Variants in CFAP61 observed in about 807,000 individuals in gnomAD.
CFAP61 encodes cilia and flagella associated protein 61.
Under a neutral mutation model 135.6 loss-of-function variants are expected in CFAP61, and 107 were observed. That is an observed-to-expected ratio of 0.79 (90% CI 0.67 to 0.93). The LOEUF (loss-of-function observed/expected upper bound fraction) is 0.93. Among genes scored for constraint, CFAP61 ranks in the 40% least tolerant of loss-of-function variants. The probability of loss-of-function intolerance (pLI) is 0.00; values close to 1 mark genes in which losing one functional copy is unlikely to be tolerated. For synonymous variants in CFAP61, 575 were observed against 578.5 expected (o/e 0.99, Z 0.09); for missense variants, 1,507 against 1,556.2 (o/e 0.97, Z 0.53).
chr20:20,348,233 C>A (rs998171122), intron 26 of CFAP61, among the ~76,000 whole-genome samples: 4 of 152,102 alleles, frequency 2.6e-5, no homozygotes, highest in African/African-American at 9.7e-5. Flanking sequence ...CAGACCAACA[C>A]CCCTTTTAAA....
Position 20,277,421 on chromosome 20 carries a change from T to A in CFAP61, c.2759T>A (p.Phe920Tyr). The change falls in exon 22 of 27, where the codon TTC becomes TAC. Residue 920 changes from phenylalanine to tyrosine, a missense_variant. By Grantham distance (22) the Phe-to-Tyr change is conservative. Coordinates refer to ENST00000245957, the MANE Select transcript of CFAP61 (RefSeq NM_015585.4). ...LHPDPIYSAS[F>Y]TTPTKPFRLQ... ...CCAGACCCCATCTACAGCGCCTCCT[T>A]CACCACACCCACCAAGCCTTTCAGA... 3.1e-6 allele frequency: 5 copies of A among 1,613,514 alleles called. No homozygotes were observed. The highest frequency in any genetic ancestry group is 4.2e-6 in the Non-Finnish European group (5 of 1,179,624).
chr20:20,282,832 G>A (rs1016749416), intron 22 of CFAP61, among the ~76,000 whole-genome samples: 3 of 151,992 alleles, frequency 2.0e-5, no homozygotes, highest in African/African-American at 4.8e-5. Flanking sequence ...CCAGTTACTC[G>A]GGAGGCTGAA....
At chr20:20,315,066 T>C (rs2057050214) in intron 25 of CFAP61, among the ~76,000 whole-genome samples, 1 of 137,456 alleles carries the variant, frequency 7.3e-6, no homozygotes, top group African/African-American at 2.9e-5. Context: ...ATGGGATGGC[T>C]GGGTCAAATG....
At chr20:20,132,555 TTATTAA>T (rs1296218833) in intron 8 of CFAP61, among the ~76,000 whole-genome samples, 3 of 152,104 alleles carry the variant, frequency 2.0e-5, no homozygotes, top group African/African-American at 4.8e-5. Context: ...TATTTTATCC[TTATTAA>T]TATTATCACT....
chr20:20,356,134 C>G (rs2059143190), intron 26 of CFAP61, among the ~76,000 whole-genome samples: 3 of 87,726 alleles, frequency 3.4e-5, no homozygotes, highest in Non-Finnish European at 2.3e-5. Context: ...GGTAGTCACA[C>G]TGAGAGGAGG....
intron 6 of CFAP61, among the ~76,000 whole-genome samples, chr20:20,080,807 T>A (rs184378301): frequency 6.6e-6 from 1 of 152,076 alleles, no homozygotes; most frequent in Non-Finnish European, 1.5e-5. Flanking sequence ...ATTGAGACCA[T>A]CTTGGCCAAC....
intron 3 of CFAP61, chr20:20,074,002 C>G: frequency 2.6e-6 from 1 of 381,828 alleles, no homozygotes; most frequent in South Asian, 3.4e-5. Context: ...CGATTTCACT[C>G]CCCTGCAGGC....
chr20:20,148,129 G>A (rs999011617), intron 9 of CFAP61, among the ~76,000 whole-genome samples: 18 of 152,158 alleles, frequency 1.2e-4, no homozygotes. Context: ...TTTTATACCA[G>A]TATTATGCTG....
Position 20,197,350 on chromosome 20 carries a change from G to A in CFAP61, c.1797+574G>A, listed in dbSNP as rs557955230. Among the ~76,000 whole-genome samples, 3 of 152,162 alleles carry A rather than the reference G, an allele frequency of 2.0e-5. No homozygotes were observed. In the East Asian group the frequency reaches 5.8e-4, roughly 29 times the overall value. ...AGACGCGAATCTGATGTGTATACAT[G>A]GTGTGTATGTGCATGCACAGATAGC... On this transcript the variant is annotated intron_variant, in intron 16 of 26. Transcript: ENST00000245957.
intron 12 of CFAP61, among the ~76,000 whole-genome samples, chr20:20,167,442 C>A (rs1282107229): frequency 6.6e-6 from 1 of 152,142 alleles, no homozygotes; most frequent in Non-Finnish European, 1.5e-5. Context: ...TAATTATTTT[C>A]TACTTTAACG....
chr20:20,358,087 T>TCACACTGTGAGGGGAGGTGGG (rs2059326649), intron 26 of CFAP61, among the ~76,000 whole-genome samples: 2 of 133,626 alleles, frequency 1.5e-5, no homozygotes, highest in African/African-American at 6.0e-5. Flanking sequence ...GGGGAGGTGG[T>TCACACTGTGAGGGGAGGTGGG]CACACTGTGA....
At chr20:20,154,728 G>A (rs1385357458) in intron 9 of CFAP61, among the ~76,000 whole-genome samples, 1 of 152,004 alleles carries the variant, frequency 6.6e-6, no homozygotes, top group Non-Finnish European at 1.5e-5. Flanking sequence ...GAAGGTGAAA[G>A]ACCTCTACAA....
intron 22 of CFAP61, among the ~76,000 whole-genome samples, chr20:20,279,967 A>G (rs2054066063): frequency 6.6e-6 from 1 of 151,964 alleles, no homozygotes. Flanking sequence ...GGCATTAAGC[A>G]CTTTTTGGTG....
intron 25 of CFAP61, among the ~76,000 whole-genome samples, chr20:20,298,769 G>A (rs1046082801): frequency 3.9e-5 from 6 of 152,202 alleles, no homozygotes; most frequent in African/African-American, 1.2e-4. Flanking sequence ...GGGACTCCGC[G>A]ATCATGGGAC....
intron 10 of CFAP61, among the ~76,000 whole-genome samples, chr20:20,161,687 AG>A (rs2053416478): frequency 6.6e-6 from 1 of 152,172 alleles, no homozygotes; most frequent in South Asian, 2.1e-4. Flanking sequence ...GACTCCAGTT[AG>A]GTTGTCAGCC....
intron 18 of CFAP61, among the ~76,000 whole-genome samples, chr20:20,243,070 T>A (rs2050134424): frequency 6.6e-6 from 1 of 152,198 alleles, no homozygotes; most frequent in African/African-American, 2.4e-5. Flanking sequence ...TTTAATGGAC[T>A]TACAGTTCCA....
rs567301130 is a variant in CFAP61, at chr20:20,063,040, T to A, written c.143+6244T>A. On this transcript the variant is annotated intron_variant, in intron 2 of 26. Transcript: ENST00000245957. The stretch of plus-strand genomic sequence containing the variant: ...GAAAATATGGGGTCCCAGAAAAGTT[T>A]CTTAAAATCAACTTAAGAAATGATA... 5.1e-4 allele frequency among the ~76,000 whole-genome samples: 77 copies of A among 152,314 alleles called. 2 individuals carry two copies. The South Asian group carries it at 7.9e-3, about 16-fold the overall frequency.
intron 2 of CFAP61, among the ~76,000 whole-genome samples, chr20:20,069,324 AG>A (rs2045543006): frequency 1.4e-5 from 2 of 147,894 alleles, no homozygotes; most frequent in African/African-American, 5.4e-5. Flanking sequence ...TCTGTTGTCC[AG>A]GCTGGAGTAC....
chr20:20,250,479 T>G (rs1157886669), intron 19 of CFAP61, among the ~76,000 whole-genome samples: 1 of 152,094 alleles, frequency 6.6e-6, no homozygotes, highest in Non-Finnish European at 1.5e-5. Flanking sequence ...AGCATAGAAG[T>G]GGCGCGTGCC....
Sources: gnomAD v4.1 joint callset for allele counts (sites outside exome capture counted in the v4.1 genomes callset) on GRCh38, gnomAD v4.1.1 for gene constraint, MANE v1.5 for transcripts, NCBI Gene and HGNC (gene_info 2026-07-23, HGNC 2026-07-21) for gene names.